DRD2: variants seen among roughly 807,000 people sequenced by gnomAD.
The protein encoded by DRD2 is D(2) dopamine receptor.
DRD2 carries 8 observed loss-of-function variants against 38.0 expected under a neutral mutation model. That is an observed-to-expected ratio of 0.21 (90% CI 0.12 to 0.38). The LOEUF is 0.38. Ranked by LOEUF, DRD2 falls within the 10% of genes least tolerant of loss-of-function variation. DRD2 has a pLI of 1.00. For missense variants in DRD2, 403 were observed against 607.7 expected, an observed-to-expected ratio of 0.66 and a Z score of 3.54; for synonymous variants, 230 against 238.6, an observed-to-expected ratio of 0.96 and a Z score of 0.33.
At chr11:113,457,578 C>A (rs1364496945) in intron 1 of DRD2, among the ~76,000 whole-genome samples, 1 of 152,044 alleles carries the variant, frequency 6.6e-6, no homozygotes, top group Non-Finnish European at 1.5e-5. Flanking sequence ...CATTACCACC[C>A]CCCCGACCCC....
intron 1 of DRD2, among the ~76,000 whole-genome samples, chr11:113,442,536 C>T (rs1301880607): frequency 1.3e-5 from 2 of 152,118 alleles, no homozygotes; most frequent in African/African-American, 4.8e-5. Flanking sequence ...TTGATTTTCT[C>T]ACCTCCCCAG....
At chr11:113,432,716 T>C (rs1034702976) in intron 1 of DRD2, among the ~76,000 whole-genome samples, 20 of 152,154 alleles carry the variant, frequency 1.3e-4, no homozygotes. Flanking sequence ...GGTAAGAGGT[T>C]CCTTTCCAGG....
chr11:113,415,648 C>T lies in DRD2; in HGVS notation c.533-37G>A, dbSNP rs185801473. ...AGAGCCCGGGCAGGCAGGGAGTCAG[C>T]GGGCCCACCGGCCATAATTCCACAA... On this transcript the variant is annotated intron_variant, in intron 4 of 7. Coordinates refer to ENST00000362072, the MANE Select transcript of DRD2 (RefSeq NM_000795.4). 5.1e-5 allele frequency: 81 copies of T among 1,576,022 alleles called. No individual in the cohort carries two copies. In the Admixed American group the frequency reaches 6.4e-4, roughly 12 times the overall value.
At chr11:113,414,653 G>A (rs947267940) in intron 5 of DRD2, among the ~76,000 whole-genome samples, 192 bp from the exon 6 acceptor site, 10 of 152,336 alleles carry the variant, frequency 6.6e-5, no homozygotes, top group Non-Finnish European at 7.3e-5. Flanking sequence ...GTATGACGAG[G>A]AACACAAGGA....
intron 1 of DRD2, among the ~76,000 whole-genome samples, chr11:113,446,841 A>C (rs1180754265): frequency 6.6e-6 from 1 of 152,226 alleles, no homozygotes; most frequent in Non-Finnish European, 1.5e-5. Flanking sequence ...GTGGCGAGTG[A>C]GGATGAGGCC....
chr11:113,446,195 T>A (rs949875440), intron 1 of DRD2, among the ~76,000 whole-genome samples: 2 of 152,090 alleles, frequency 1.3e-5, no homozygotes, highest in Non-Finnish European at 1.5e-5. Flanking sequence ...GAAGCCCTGA[T>A]GACAGATCTG....
chr11:113,415,407 G>T lies in DRD2; in HGVS notation c.723+14C>A. The T allele has an allele frequency of 6.2e-7, 1 of 1,606,082 alleles. No homozygotes were observed. Among genetic ancestry groups the T allele is most frequent in the South Asian group, 1.1e-5 (1 of 90,104 alleles). ...GTGGGGACCCTTGGAGTTGGTTGGG[G>T]GGTGTCTTGAGACCTTTAGTGGAGC... On this transcript the variant is annotated intron_variant, in intron 5 of 7. Coordinates refer to ENST00000362072, the MANE Select transcript of DRD2 (RefSeq NM_000795.4).
intron 1 of DRD2, among the ~76,000 whole-genome samples, chr11:113,461,718 T>C (rs1951320943): frequency 6.6e-6 from 1 of 152,200 alleles, no homozygotes; most frequent in African/African-American, 2.4e-5. Flanking sequence ...TCTGAGATCC[T>C]GGTGTATAGG....
chr11:113,434,476 CAGTGGT>C (rs1377748730), intron 1 of DRD2, among the ~76,000 whole-genome samples: 5 of 152,226 alleles, frequency 3.3e-5, no homozygotes, highest in Non-Finnish European at 5.9e-5. Flanking sequence ...GTCCCAGTCA[CAGTGGT>C]AGCTGGGGTT....
chr11:113,438,267 A>C (rs1367443430), intron 1 of DRD2, among the ~76,000 whole-genome samples: 1 of 152,042 alleles, frequency 6.6e-6, no homozygotes, highest in Non-Finnish European at 1.5e-5. Context: ...TGGCCTTGAC[A>C]ATGAAATTGT....
chr11:113,441,554 C>T (rs963084163), intron 1 of DRD2, among the ~76,000 whole-genome samples: 1 of 152,146 alleles, frequency 6.6e-6, no homozygotes, highest in African/African-American at 2.4e-5. Context: ...ATCTTGGAAA[C>T]ACTGGGTCAG....
intron 1 of DRD2, among the ~76,000 whole-genome samples, chr11:113,472,548 C>T (rs946751595): frequency 6.6e-6 from 1 of 152,216 alleles, no homozygotes; most frequent in Non-Finnish European, 1.5e-5. Context: ...ACAAGACTAA[C>T]TAGCCCACAA....
At chr11:113,442,067 A>T (rs1951099799) in intron 1 of DRD2, among the ~76,000 whole-genome samples, 1 of 152,146 alleles carries the variant, frequency 6.6e-6, no homozygotes, top group Admixed American at 6.6e-5. Context: ...AGATGAAATT[A>T]TATGCTATCT....
intron 1 of DRD2, among the ~76,000 whole-genome samples, chr11:113,432,305 TC>T (rs1950994873): frequency 1.3e-5 from 2 of 151,516 alleles, no homozygotes; most frequent in Non-Finnish European, 2.9e-5. Flanking sequence ...TCTCTCTCTC[TC>T]TCTCTCTCTC....
chr11:113,449,220 A>G (rs138121659), intron 1 of DRD2, among the ~76,000 whole-genome samples: 66 of 151,174 alleles, frequency 4.4e-4, no homozygotes, highest in African/African-American at 1.5e-3. Context: ...AATCCTTCCA[A>G]CTCTTCAAAG....
At position 113,433,304 on chromosome 11, in the gene DRD2, T is replaced by C. The variant is rs554570843; in HGVS notation, c.-31-8622A>G. Among the ~76,000 whole-genome samples the C allele has an allele frequency of 2.0e-5, 3 of 151,854 alleles. No homozygotes were observed. In the South Asian group the frequency reaches 6.2e-4, roughly 32 times the overall value. ...CAGCAGTCACTCCTGAGGGAAGAAA[T>C]GCAGATTGCTCTTTCCCTGTTAAGG... On this transcript the variant is annotated intron_variant, in intron 1 of 7. Transcript: ENST00000362072.
intron 1 of DRD2, among the ~76,000 whole-genome samples, chr11:113,470,960 G>A (rs1331555244): frequency 1.3e-5 from 2 of 152,162 alleles, no homozygotes; most frequent in African/African-American, 4.8e-5. Flanking sequence ...TGCCTTCCAA[G>A]GGCATCCCAG....
intron 1 of DRD2, among the ~76,000 whole-genome samples, chr11:113,454,856 A>C (rs571831862): frequency 6.6e-6 from 1 of 152,334 alleles, no homozygotes; most frequent in South Asian, 2.1e-4. Context: ...AATTCTCAAC[A>C]AAAAGGCCAA....
At chr11:113,417,229 A>G (rs188666717) in intron 3 of DRD2, among the ~76,000 whole-genome samples, 64 of 152,284 alleles carry the variant, frequency 4.2e-4, no homozygotes, top group Non-Finnish European at 7.8e-4. Flanking sequence ...GTTTACTCTT[A>G]GCTCATATCT....
Sources: allele counts gnomAD v4.1 joint callset (sites outside exome capture counted in the v4.1 genomes callset), GRCh38; gene constraint gnomAD v4.1.1; transcripts MANE v1.5; gene names NCBI Gene and HGNC (gene_info 2026-07-23, HGNC 2026-07-21).